NTM: variants seen among roughly 807,000 people sequenced by gnomAD.
The protein encoded by NTM is IgLON family member 2.
A neutral mutation model predicts 42.1 loss-of-function variants in NTM; 13 were observed. The observed-to-expected ratio is 0.31, with a 90% CI of 0.20 to 0.49. The LOEUF (loss-of-function observed/expected upper bound fraction) is 0.49, where lower values mean the gene tolerates loss of function less well. Ranked by LOEUF, NTM falls within the 20% of genes least tolerant of loss-of-function variation. The pLI, the probability that NTM is intolerant of heterozygous loss-of-function variation, is 0.99. For missense variants in NTM, 373 were observed against 452.8 expected, an observed-to-expected ratio of 0.82 and a Z score of 1.60; for synonymous variants, 187 against 179.2, an observed-to-expected ratio of 1.04 and a Z score of -0.35.
At chr11:132,235,993 G>GACACACACAC (rs367555812) in intron 4 of NTM, among the ~76,000 whole-genome samples, 54 of 101,268 alleles carry the variant, frequency 5.3e-4, no homozygotes, top group South Asian at 1.6e-3. Context: ...CACACACACA[G>GACACACACAC]ACACACACAC....
chr11:132,195,753 A>G (rs2080105423), intron 3 of NTM, among the ~76,000 whole-genome samples: 1 of 152,236 alleles, frequency 6.6e-6, no homozygotes, highest in African/African-American at 2.4e-5. Context: ...GGCTAGCCTT[A>G]TGCAGAAGAT....
intron 2 of NTM, among the ~76,000 whole-genome samples, chr11:132,063,676 G>T (rs936503059): frequency 6.6e-6 from 1 of 152,198 alleles, no homozygotes; most frequent in Non-Finnish European, 1.5e-5. Context: ...TGGAAGGACT[G>T]AGGTGGAATT....
intron 1 of NTM, among the ~76,000 whole-genome samples, chr11:131,594,564 TA>T (rs11411337): frequency 8.6e-4 from 127 of 147,722 alleles, no homozygotes; most frequent in African/African-American, 1.4e-3. Context: ...CCAGCTAAAT[TA>T]AAAAAAAAAA....
chr11:131,454,369 A>AG (rs1468320623), intron 1 of NTM, among the ~76,000 whole-genome samples: 1 of 152,172 alleles, frequency 6.6e-6, no homozygotes, highest in Non-Finnish European at 1.5e-5. Context: ...CCCTTGAGTA[A>AG]GGGGGGACTA....
intron 4 of NTM, among the ~76,000 whole-genome samples, chr11:132,259,582 A>G (rs2092716245): frequency 1.3e-5 from 2 of 151,320 alleles, no homozygotes; most frequent in Admixed American, 1.3e-4. Context: ...CGGGAGGCTG[A>G]GGCAGGAGAA....
intron 1 of NTM, among the ~76,000 whole-genome samples, chr11:131,858,926 A>T (rs2046357300): frequency 6.6e-6 from 1 of 152,218 alleles, no homozygotes; most frequent in African/African-American, 2.4e-5. Context: ...GGAAGTAGCT[A>T]GTAGAGAGCA....
intron 2 of NTM, among the ~76,000 whole-genome samples, chr11:132,023,151 C>A (rs1373107392): frequency 1.3e-5 from 2 of 152,186 alleles, no homozygotes; most frequent in Non-Finnish European, 2.9e-5. Flanking sequence ...TTACCATAGA[C>A]CCTAGTCACG....
intron 2 of NTM, among the ~76,000 whole-genome samples, chr11:132,017,162 C>T (rs1443834190): frequency 6.6e-6 from 1 of 151,808 alleles, no homozygotes; most frequent in Non-Finnish European, 1.5e-5. Context: ...GTCAGTTTAT[C>T]ACTTTTTTCT....
chr11:131,885,887 G>A (rs374311660), intron 1 of NTM, among the ~76,000 whole-genome samples: 3 of 152,180 alleles, frequency 2.0e-5, no homozygotes, highest in South Asian at 2.1e-4. Flanking sequence ...TAGTTGATGA[G>A]ACAGCAAGGT....
chr11:131,404,705 A>T (rs1945624208), intron 1 of NTM, among the ~76,000 whole-genome samples: 1 of 152,208 alleles, frequency 6.6e-6, no homozygotes, highest in Non-Finnish European at 1.5e-5. Context: ...ATAGCATCTT[A>T]TAATCTGCAC....
At chr11:131,798,692 G>C (rs1331742421) in intron 1 of NTM, among the ~76,000 whole-genome samples, 1 of 152,288 alleles carries the variant, frequency 6.6e-6, no homozygotes, top group East Asian at 1.9e-4. Flanking sequence ...TTTCTACTAA[G>C]GTGTGAATAT....
At chr11:131,511,003 C>A (rs967395752) in intron 1 of NTM, among the ~76,000 whole-genome samples, 5 of 152,130 alleles carry the variant, frequency 3.3e-5, no homozygotes, top group African/African-American at 9.7e-5. Context: ...ACTTAAAGTG[C>A]GGTTTGAGGA....
chr11:131,913,511 A>G (rs2055671801), intron 2 of NTM, among the ~76,000 whole-genome samples: 1 of 152,222 alleles, frequency 6.6e-6, no homozygotes, highest in Non-Finnish European at 1.5e-5. Context: ...AGGCTGAATC[A>G]CGGGACAGGC....
intron 1 of NTM, among the ~76,000 whole-genome samples, chr11:131,786,333 C>T (rs969327094): frequency 6.6e-6 from 1 of 152,190 alleles, no homozygotes; most frequent in Non-Finnish European, 1.5e-5. Context: ...GAGCTAAAAA[C>T]GTCACCTGTG....
intron 4 of NTM, among the ~76,000 whole-genome samples, chr11:132,289,850 G>A (rs11600871): frequency 0.13 from 20,137 of 152,148 alleles, 1,476 homozygotes; most frequent in Non-Finnish European, 0.17. Context: ...GGACTTCCCC[G>A]GACTCTCCGT....
chr11:132,330,218 G>A, intron 8 of NTM, 33 bp downstream of exon 8: 1 of 1,543,068 alleles, frequency 6.5e-7, no homozygotes, highest in Non-Finnish European at 8.8e-7. Context: ...TGCTGCCTTG[G>A]TGGGTGTGGG....
chr11:132,287,592 C>A (rs759137205), intron 4 of NTM, among the ~76,000 whole-genome samples: 8 of 152,202 alleles, frequency 5.3e-5, no homozygotes, highest in Non-Finnish European at 1.2e-4. Context: ...GACTGAACAG[C>A]CTCTAAAAAA....
chr11:131,466,759 A>G lies in NTM; in HGVS notation c.82+95871A>G, dbSNP rs182253988. Among the ~76,000 whole-genome samples, 1,277 of 152,362 alleles carry G rather than the reference A, an allele frequency of 8.4e-3. 20 individuals are homozygous for G. The highest frequency in any genetic ancestry group is 0.029 in the African/African-American group (1,199 of 41,572). On this transcript the variant is annotated intron_variant, in intron 1 of 8. Transcript: ENST00000683400. ...AGTTGTTGATAGAGCAAATAGAATCAAGTATATAACTACTATACTTGGAAA... is the reference window on the plus strand; with the variant it reads ...AGTTGTTGATAGAGCAAATAGAATCGAGTATATAACTACTATACTTGGAAA...
chr11:131,931,070 A>G (rs1178376070), intron 2 of NTM, among the ~76,000 whole-genome samples: 1 of 152,198 alleles, frequency 6.6e-6, no homozygotes, highest in African/African-American at 2.4e-5. Flanking sequence ...TGCGAGTGAC[A>G]TAGATTTTTT....
Sources: gnomAD v4.1 joint callset for allele counts (sites outside exome capture counted in the v4.1 genomes callset) on GRCh38, gnomAD v4.1.1 for gene constraint, MANE v1.5 for transcripts, NCBI Gene and HGNC (gene_info 2026-07-23, HGNC 2026-07-21) for gene names.